NWD2: variants seen among roughly 807,000 people sequenced by gnomAD.
The protein encoded by NWD2 is NACHT and WD repeat domain containing 2.
A neutral mutation model predicts 132.7 loss-of-function variants in NWD2; 37 were observed. The observed-to-expected ratio is 0.28, with a 90% CI of 0.21 to 0.37. NWD2 has a LOEUF of 0.37. NWD2 is among the 10% of genes least tolerant of loss of function. The pLI is 1.00. For synonymous variants in NWD2, 705 were observed against 803.0 expected (o/e 0.88, Z 2.06); for missense variants, 1,592 against 2,122.4 (o/e 0.75, Z 4.91).
chr4:37,311,588 T>C (rs1372666289), intron 1 of NWD2, among the ~76,000 whole-genome samples: 3 of 149,142 alleles, frequency 2.0e-5, no homozygotes, highest in Non-Finnish European at 4.4e-5. Context: ...GTAGGTTGCC[T>C]GTTCACTCTG....
intron 2 of NWD2, among the ~76,000 whole-genome samples, chr4:37,342,838 C>T (rs1177774827): frequency 1.3e-5 from 2 of 152,198 alleles, no homozygotes; most frequent in African/African-American, 4.8e-5. Context: ...CATCCAACCT[C>T]ATATTGTTGG....
intron 1 of NWD2, among the ~76,000 whole-genome samples, chr4:37,302,726 A>T (rs1228944992): frequency 2.6e-5 from 4 of 152,096 alleles, no homozygotes; most frequent in Non-Finnish European, 5.9e-5. Flanking sequence ...GATGTTAAAC[A>T]TCTTTTATAT....
In NWD2 at chr4:37,433,904, A is replaced by G. The variant is rs1199066608; in HGVS notation, c.590A>G (p.Glu197Gly). The G allele has an allele frequency of 7.1e-6, 11 of 1,546,804 alleles. No individual in the cohort carries two copies. The highest frequency in any genetic ancestry group is 1.2e-5 in the South Asian group (1 of 83,028). ...AMQPSTNAEN[E>G]KTWQEISDEI... The stretch of plus-strand genomic sequence containing the variant: ...CAGCCTTCTACCAATGCTGAAAACG[A>G]GAAGACATGGCAAGAGATATCAGAT... Residue 197 changes from glutamate (E) to glycine (G), a missense_variant, in exon 5 of 7, where the codon GAG (glutamate) becomes GGG (glycine). Coordinates refer to ENST00000309447, the MANE Select transcript of NWD2 (RefSeq NM_001144990.2).
At chr4:37,253,675 T>C (rs1717444734) in intron 1 of NWD2, among the ~76,000 whole-genome samples, 1 of 152,210 alleles carries the variant, frequency 6.6e-6, no homozygotes, top group Non-Finnish European at 1.5e-5. Context: ...GTTTCAGATA[T>C]TCAGTATCAG....
chr4:37,354,476 G>A (rs954089064), intron 2 of NWD2, among the ~76,000 whole-genome samples: 2 of 152,344 alleles, frequency 1.3e-5, no homozygotes, highest in African/African-American at 4.8e-5. Flanking sequence ...CTCTGTCCCA[G>A]GGAGGTGGGA....
intron 3 of NWD2, among the ~76,000 whole-genome samples, chr4:37,372,638 C>T (rs1016909498): frequency 2.0e-5 from 3 of 152,142 alleles, no homozygotes; most frequent in Non-Finnish European, 4.4e-5. Flanking sequence ...GATTTGTTTT[C>T]ATATATATCA....
intron 1 of NWD2, among the ~76,000 whole-genome samples, chr4:37,282,835 G>A (rs530755997): frequency 1.3e-5 from 2 of 152,102 alleles, no homozygotes; most frequent in African/African-American, 4.8e-5. Flanking sequence ...TTTATTTTTA[G>A]CATTGTTGTG....
At position 37,439,380 on chromosome 4, in the gene NWD2, T is replaced by C. The variant is rs1309861076; in HGVS notation, c.1286T>C (p.Val429Ala). 2 of 1,461,196 alleles carry C rather than the reference T, an allele frequency of 1.4e-6. No individual in the cohort carries two copies. Among genetic ancestry groups the C allele is most frequent in the African/African-American group, 1.4e-5 (1 of 69,820 alleles). The allele number at this position is 1,461,196 out of a possible 1,614,324, so 90.5% of individuals were successfully genotyped here. The change falls in exon 6 of 7, where the codon GTA becomes GCA. Residue 429 changes from valine (V) to alanine (A), a missense_variant. Physicochemically the swap from Val to Ala is moderately conservative, Grantham distance 64. Around this residue, in one of 7 missense-constraint regions of NWD2, gnomAD observed 1,071 missense variants for 1,398.0 expected, o/e 0.77. Transcript: ENST00000309447. The surrounding 1 kb of genome is among the most constrained non-coding windows in gnomAD (Gnocchi z 4.5). ...CTGKTLLLAE[V>A]AKKAYGWLHE... Reference sequence around the variant, plus strand: ...GGGAAGACCCTTCTGCTAGCTGAAGTAGCAAAGAAGGTAAAAGCCTATTCT... The same window carrying C: ...GGGAAGACCCTTCTGCTAGCTGAAGCAGCAAAGAAGGTAAAAGCCTATTCT...
At chr4:37,378,258 C>T (rs1211463255) in intron 3 of NWD2, among the ~76,000 whole-genome samples, 1 of 122,496 alleles carries the variant, frequency 8.2e-6, no homozygotes, top group East Asian at 2.4e-4. Flanking sequence ...CATTATTCTG[C>T]TCTCCTATAT....
chr4:37,387,948 T>TAAC lies in NWD2; in HGVS notation c.357+31470_357+31472dup, dbSNP rs373952287. ...CTTGGCCTTGAAATATTTATTCTTATAACAACTATTTATTAAATGATTTGT... is the reference window on the plus strand; with the variant it reads ...CTTGGCCTTGAAATATTTATTCTTATAACAACAACTATTTATTAAATGATTTGT... On this transcript the variant is annotated intron_variant, in intron 3 of 6. Transcript: ENST00000309447. Among the ~76,000 whole-genome samples the TAAC allele has an allele frequency of 1.1e-4, 12 of 107,880 alleles. No individual in the cohort carries two copies. The East Asian group carries it at 2.8e-3, about 25-fold the overall frequency. 70.8% of individuals were successfully genotyped at this position (107,880 alleles called of 152,430 possible).
Position 37,253,286 on chromosome 4 carries a change from A to G in NWD2, c.151+8068A>G, listed in dbSNP as rs138997767. 4.8e-3 allele frequency among the ~76,000 whole-genome samples: 738 copies of G among 152,304 alleles called. 6 individuals carry two copies. Among genetic ancestry groups the G allele is most frequent in the African/African-American group, 0.011 (476 of 41,564 alleles). On this transcript the variant is annotated intron_variant, in intron 1 of 6. Transcript: ENST00000309447. ...GATCAAAATATCACCATTTTTCCTG[A>G]TAAAGATAATGGAGAATGCCTTCAT...
At chr4:37,429,292 A>G (rs947383615) in intron 3 of NWD2, among the ~76,000 whole-genome samples, 2 of 151,988 alleles carry the variant, frequency 1.3e-5, no homozygotes, top group African/African-American at 4.8e-5. Flanking sequence ...TTCTCTATAT[A>G]TATAAATATC....
chr4:37,284,447 C>T (rs757934257), intron 1 of NWD2, among the ~76,000 whole-genome samples: 5 of 152,158 alleles, frequency 3.3e-5, no homozygotes, highest in Non-Finnish European at 4.4e-5. Flanking sequence ...ATCCAGAGTC[C>T]AGAATATTCG....
intron 1 of NWD2, among the ~76,000 whole-genome samples, chr4:37,246,560 G>A (rs781655889): frequency 5.3e-5 from 8 of 152,058 alleles, no homozygotes; most frequent in Non-Finnish European, 1.0e-4. Flanking sequence ...CAAAGATGTC[G>A]TCTAGGATTT....
At chr4:37,280,744 G>T (rs987748284) in intron 1 of NWD2, among the ~76,000 whole-genome samples, 1 of 152,032 alleles carries the variant, frequency 6.6e-6, no homozygotes, top group Non-Finnish European at 1.5e-5. Context: ...ACAGCACCCC[G>T]GGGCTAACAA....
At chr4:37,300,582 C>T (rs1474410713) in intron 1 of NWD2, among the ~76,000 whole-genome samples, 1 of 152,022 alleles carries the variant, frequency 6.6e-6, no homozygotes, top group Non-Finnish European at 1.5e-5. Context: ...ACTTTATTTA[C>T]TTATATATTA....
At chr4:37,395,000 A>C (rs1720759139) in intron 3 of NWD2, among the ~76,000 whole-genome samples, 1 of 149,746 alleles carries the variant, frequency 6.7e-6, no homozygotes, top group East Asian at 2.0e-4. Flanking sequence ...TCTAGTAGAG[A>C]TGGGGTTTCA....
rs57981065 is a variant in NWD2 at position 37,364,691 on chromosome 4, T to TACACAC, written c.357+8238_357+8243dup. ...GTCAGAGCAGACTTCTACCTCCACT[T>TACACAC]ACACACACACACACACACACACACA... On this transcript the variant is annotated intron_variant, in intron 3 of 6. Coordinates refer to ENST00000309447, the MANE Select transcript of NWD2 (RefSeq NM_001144990.2). Among the ~76,000 whole-genome samples the TACACAC allele has an allele frequency of 8.6e-3, 1,263 of 146,666 alleles. 22 individuals are homozygous for TACACAC. Among genetic ancestry groups the TACACAC allele is most frequent in the East Asian group, 0.059 (286 of 4,854 alleles).
chr4:37,423,417 A>G (rs548592172), intron 3 of NWD2, among the ~76,000 whole-genome samples: 36 of 152,318 alleles, frequency 2.4e-4, no homozygotes, highest in South Asian at 2.1e-3. Context: ...TCGTGCAACT[A>G]TGGAGTCTGA....
Sources: allele counts gnomAD v4.1 joint callset (sites outside exome capture counted in the v4.1 genomes callset), GRCh38; gene constraint gnomAD v4.1.1; regional missense constraint gnomAD v4.1.1; non-coding constraint Gnocchi (gnomAD v3.1); transcripts MANE v1.5; gene names NCBI Gene and HGNC (gene_info 2026-07-23, HGNC 2026-07-21).